Variants in PLCE1 observed in about 807,000 individuals in gnomAD.
The protein encoded by PLCE1 is phospholipase C epsilon 1.
PLCE1 carries 119 observed loss-of-function variants against 242.8 expected under a neutral mutation model. The ratio of observed to expected loss-of-function variants is 0.49; its 90% CI spans 0.42 to 0.57. PLCE1 has a LOEUF of 0.57. PLCE1 is among the 20% of genes least tolerant of loss of function. PLCE1 has a pLI of 0.00. For synonymous variants in PLCE1, 945 were observed against 1,017.4 expected (o/e 0.93, Z 1.35); for missense variants, 2,441 against 2,788.8 (o/e 0.88, Z 2.81).
At chr10:94,020,939 C>T (rs757213560) in intron 1 of PLCE1, among the ~76,000 whole-genome samples, 4 of 152,152 alleles carry the variant, frequency 2.6e-5, no homozygotes, top group East Asian at 1.9e-4. Context: ...AAGTGATTCT[C>T]GTGCCTCAGC....
chr10:94,030,426 C>A (rs1316929053), intron 1 of PLCE1, among the ~76,000 whole-genome samples: 1 of 151,494 alleles, frequency 6.6e-6, no homozygotes, highest in Non-Finnish European at 1.5e-5. Context: ...TATCTGAAAA[C>A]CACTGGGTTT....
intron 13 of PLCE1, 75 bp from the exon 14 acceptor site, chr10:94,262,419 C>A: frequency 1.0e-6 from 1 of 955,728 alleles, no homozygotes; most frequent in Non-Finnish European, 1.7e-6. Context: ...AATAACTCCA[C>A]ACCATTATCT....
chr10:94,280,015 G>T, intron 20 of PLCE1, 104 bp downstream of exon 20: 1 of 1,173,282 alleles, frequency 8.5e-7, no homozygotes, highest in Non-Finnish European at 1.3e-6. Context: ...CAGTAATACG[G>T]ATGGTTGTAA....
At chr10:94,164,635 T>C (rs189857115) in intron 3 of PLCE1, among the ~76,000 whole-genome samples, 74 of 152,382 alleles carry the variant, frequency 4.9e-4, no homozygotes, top group African/African-American at 1.7e-3. Flanking sequence ...TTCTCTCAAC[T>C]CGTCAAAGTC....
At position 94,246,326 on chromosome 10, in the gene PLCE1, G is replaced by T. The variant is rs1487360805; in HGVS notation, c.2801G>T (p.Gly934Val). The T allele has an allele frequency of 6.2e-7, 1 of 1,614,160 alleles. No individual in the cohort carries two copies. Among genetic ancestry groups the T allele is most frequent in the South Asian group, 1.1e-5 (1 of 91,076 alleles). The change falls in exon 8 of 33, where the codon GGG (glycine) becomes GTG (valine). Residue 934 changes from glycine (G) to valine (V), a missense_variant. By Grantham distance (109) the Gly-to-Val change is moderately radical. Around this residue, in one of 5 missense-constraint regions of PLCE1, gnomAD observed 733 missense variants for 754.2 expected, o/e 0.97. Transcript: ENST00000371380. ...GCTGGATTAAGTAGCCTGACGGAAG[G>T]GGTCTTGGATCTTTTTGCAGTGAAG... is the stretch of plus-strand genomic sequence containing the variant. ...GNAGLSSLTE[G>V]VLDLFAVKAV... is the part of the protein sequence containing the mutation.
In PLCE1 at chr10:94,181,207, G is replaced by A. The variant is rs142741655; in HGVS notation, c.1809+9711G>A. 5.1e-4 allele frequency among the ~76,000 whole-genome samples: 77 copies of A among 152,298 alleles called. No individual in the cohort carries two copies. In the East Asian group the frequency reaches 0.014, roughly 28 times the overall value. ...ATCAGAATATTTTTAAAATGTGCAC[G>A]TATCCGTAGCCCACCCCCAAGAGAT... On this transcript the variant is annotated intron_variant, in intron 4 of 32. Coordinates refer to ENST00000371380, the MANE Select transcript of PLCE1 (RefSeq NM_016341.4).
At chr10:94,192,694 C>G (rs2048705891) in intron 4 of PLCE1, among the ~76,000 whole-genome samples, 2 of 151,944 alleles carry the variant, frequency 1.3e-5, no homozygotes, top group Admixed American at 1.3e-4. Flanking sequence ...GGGTATATAC[C>G]CAGCAATGAG....
intron 3 of PLCE1, among the ~76,000 whole-genome samples, chr10:94,153,333 A>C (rs1024561370): frequency 1.3e-5 from 2 of 152,204 alleles, no homozygotes; most frequent in African/African-American, 4.8e-5. Flanking sequence ...TGGGCATCTC[A>C]ACAGACATAG....
At chr10:93,995,921 C>A (rs778429436) in intron 1 of PLCE1, among the ~76,000 whole-genome samples, 3 of 152,236 alleles carry the variant, frequency 2.0e-5, no homozygotes, top group Non-Finnish European at 4.4e-5. Context: ...TAGTCACATT[C>A]TTCTCTGGGC....
intron 2 of PLCE1, chr10:94,109,230 A>T (rs2045865718): frequency 6.6e-6 from 1 of 152,164 alleles, no homozygotes; most frequent in Non-Finnish European, 1.5e-5. Flanking sequence ...ACATAAGAAT[A>T]CTATCTAGAT....
At chr10:94,307,952 A>G (rs754575974) in intron 26 of PLCE1, among the ~76,000 whole-genome samples, 3 of 152,034 alleles carry the variant, frequency 2.0e-5, no homozygotes, top group African/African-American at 4.8e-5. Context: ...CAACACAGTC[A>G]CTCTTGGTGT....
intron 3 of PLCE1, chr10:94,137,923 G>T: frequency 2.6e-6 from 1 of 383,458 alleles, no homozygotes; most frequent in Non-Finnish European, 5.2e-6. Context: ...GTGCTGAGGA[G>T]ATGACCAAGT....
chr10:94,261,418 T>C (rs1277774448), intron 13 of PLCE1, among the ~76,000 whole-genome samples: 1 of 152,218 alleles, frequency 6.6e-6, no homozygotes. Context: ...TATATCTTGG[T>C]TGCTTCCAAG....
chr10:94,327,935 T>G lies in PLCE1; in HGVS notation c.*25-33T>G, dbSNP rs145174290. ...AGTGTTTCTGTTTCTTCATTTTCAG[T>G]ATACTAATAAGCCTCTGTATACAAC... On this transcript the variant is annotated intron_variant, in intron 32 of 32. Transcript: ENST00000371380. 2.7e-5 allele frequency: 14 copies of G among 524,330 alleles called. 1 individual carries two copies. Among genetic ancestry groups the G allele is most frequent in the Middle Eastern group, 3.2e-4 (1 of 3,100 alleles). The allele number at this position is 524,330 out of a possible 1,614,324, so 32.5% of individuals were successfully genotyped here.
At chr10:94,163,824 C>T (rs1464122123) in intron 3 of PLCE1, among the ~76,000 whole-genome samples, 1 of 152,138 alleles carries the variant, frequency 6.6e-6, no homozygotes, top group East Asian at 1.9e-4. Context: ...TTAGTGCTTC[C>T]TTCAGGAGCT....
In PLCE1 at chr10:94,332,257, T is replaced by A. The variant is rs1008583556; in HGVS notation, c.*4314T>A. 1 of 152,190 alleles carries A rather than the reference T, an allele frequency of 6.6e-6. No homozygotes were observed. Among genetic ancestry groups the A allele is most frequent in the Non-Finnish European group, 1.5e-5 (1 of 68,044 alleles). The allele number at this position is 152,190 out of a possible 1,614,324, so 9.4% of individuals were successfully genotyped here. On this transcript the variant is annotated 3_prime_UTR_variant, in exon 33 of 33. Transcript: ENST00000371380. Reference sequence around the variant, plus strand: ...TCTCTGAAACCTTCCCTATTGCAGATGACATAGGTCTCTAAACTTTTGACA... The same window carrying A: ...TCTCTGAAACCTTCCCTATTGCAGAAGACATAGGTCTCTAAACTTTTGACA...
chr10:94,318,040 TCA>T (rs1213629732), intron 29 of PLCE1, among the ~76,000 whole-genome samples: 3 of 152,134 alleles, frequency 2.0e-5, no homozygotes, highest in Non-Finnish European at 4.4e-5. Flanking sequence ...CACTTTCTAG[TCA>T]CAGTGAGTGA....
At position 94,306,259 on chromosome 10, in the gene PLCE1, C is replaced by T. The variant is rs1050727232; in HGVS notation, c.5623-168C>T. On this transcript the variant is annotated intron_variant, in intron 25 of 32. Coordinates refer to ENST00000371380, the MANE Select transcript of PLCE1 (RefSeq NM_016341.4). The surrounding 1 kb of genome is among the most constrained non-coding windows in gnomAD (Gnocchi z 5.7). Reference sequence around the variant, plus strand: ...TGCTGGGATTACAGGCATAAGCCACCGCGCCCAGCCCTACAATCACTTACT... The same window carrying T: ...TGCTGGGATTACAGGCATAAGCCACTGCGCCCAGCCCTACAATCACTTACT... 1.3e-5 allele frequency among the ~76,000 whole-genome samples: 2 copies of T among 152,286 alleles called. No homozygotes were observed. Among genetic ancestry groups the T allele is most frequent in the African/African-American group, 4.8e-5 (2 of 41,554 alleles).
At chr10:94,297,346 A>G (rs1316068934) in intron 23 of PLCE1, among the ~76,000 whole-genome samples, 1 of 152,142 alleles carries the variant, frequency 6.6e-6, no homozygotes, top group African/African-American at 2.4e-5. Flanking sequence ...CAGAGCACGC[A>G]CATTTGTCAA....
Sources: gnomAD v4.1 joint callset for allele counts (sites outside exome capture counted in the v4.1 genomes callset) on GRCh38, gnomAD v4.1.1 for gene constraint, gnomAD v4.1.1 regional missense constraint, Gnocchi (gnomAD v3.1) non-coding constraint, MANE v1.5 for transcripts, NCBI Gene and HGNC (gene_info 2026-07-23, HGNC 2026-07-21) for gene names.